Variants in SP3 observed in about 807,000 individuals in gnomAD.
SP3 encodes the protein transcription factor Sp3.
A neutral mutation model predicts 70.3 loss-of-function variants in SP3; 10 were observed. That is an observed-to-expected ratio of 0.14 (90% CI 0.09 to 0.24). SP3 has a LOEUF of 0.24. Ranked by LOEUF, SP3 falls within the 10% of genes least tolerant of loss-of-function variation. The pLI, the probability that SP3 is intolerant of heterozygous loss-of-function variation, is 1.00. For synonymous variants in SP3, 402 were observed against 333.5 expected, an observed-to-expected ratio of 1.21 and a Z score of -2.24; for missense variants, 825 against 914.6, an observed-to-expected ratio of 0.90 and a Z score of 1.26.
chr2:173,918,215 T>C (rs890280541), intron 5 of SP3, among the ~76,000 whole-genome samples: 7 of 152,254 alleles, frequency 4.6e-5, no homozygotes, highest in African/African-American at 4.8e-5. Context: ...GAAATACTTA[T>C]GCTTATCAGC....
intron 4 of SP3, among the ~76,000 whole-genome samples, chr2:173,933,652 A>ATATAT (rs1690132121): frequency 1.4e-5 from 2 of 140,824 alleles, no homozygotes; most frequent in African/African-American, 5.2e-5. Flanking sequence ...ATATATATAT[A>ATATAT]TATATATATA....
At position 173,908,840 on chromosome 2, in the gene SP3, C is replaced by T. The variant is rs1439252263; in HGVS notation, c.*1101G>A. On this transcript the variant is annotated 3_prime_UTR_variant, in exon 7 of 7. Transcript: ENST00000310015. ...GCTTCTCAATTAAATGTACTGGATA[C>T]ATATAAATTTTAAGGGAAGAAGCAA... 1 of 145,936 alleles carries T rather than the reference C, an allele frequency of 6.9e-6. No homozygotes were observed. The highest frequency in any genetic ancestry group is 2.5e-5 in the African/African-American group (1 of 39,284). 9.0% of individuals were successfully genotyped at this position (145,936 alleles called of 1,614,324 possible). A position where few individuals can be genotyped will look rare whatever the true frequency, so the allele number is the denominator to read the frequency against.
intron 4 of SP3, among the ~76,000 whole-genome samples, chr2:173,943,825 T>G (rs907775271): frequency 6.6e-6 from 1 of 152,196 alleles, no homozygotes; most frequent in African/African-American, 2.4e-5. Context: ...AAATACATCA[T>G]TAGGCGATTT....
At chr2:173,939,950 G>A (rs920207300) in intron 4 of SP3, among the ~76,000 whole-genome samples, 1 of 152,070 alleles carries the variant, frequency 6.6e-6, no homozygotes, top group East Asian at 1.9e-4. Context: ...ATAACTCACT[G>A]TAGGCTTGAC....
At chr2:173,914,375 C>T (rs1689573235) in intron 5 of SP3, 1 of 152,028 alleles carries the variant, frequency 6.6e-6, no homozygotes, top group African/African-American at 2.4e-5. Flanking sequence ...CCTGTAAATC[C>T]TCCTGTATAC....
At chr2:173,930,803 T>C (rs1690045959) in intron 4 of SP3, among the ~76,000 whole-genome samples, 1 of 152,224 alleles carries the variant, frequency 6.6e-6, no homozygotes, top group Non-Finnish European at 1.5e-5. Context: ...ACTTAAGTGA[T>C]GATAGGCTGT....
At chr2:173,958,193 T>C (rs980420230) in intron 3 of SP3, among the ~76,000 whole-genome samples, 1 of 151,878 alleles carries the variant, frequency 6.6e-6, no homozygotes, top group African/African-American at 2.4e-5. Flanking sequence ...CAGACACAAA[T>C]TAATTTTATG....
chr2:173,950,419 C>G (rs1172682715), intron 4 of SP3, among the ~76,000 whole-genome samples: 1 of 152,036 alleles, frequency 6.6e-6, no homozygotes, highest in Admixed American at 6.5e-5. Context: ...TGGCCCATGC[C>G]TATAATTCCA....
In SP3 at chr2:173,955,745, A is replaced by G. The variant is rs1274334094; in HGVS notation, c.767T>C (p.Val256Ala). The G allele has an allele frequency of 6.2e-7, 1 of 1,614,240 alleles. No homozygotes were observed. The highest frequency in any genetic ancestry group is 1.1e-5 in the South Asian group (1 of 91,088). Residue 256 changes from valine (V) to alanine (A), a missense_variant, in exon 4 of 7, where the codon GTG (valine) becomes GCG (alanine). Coordinates refer to ENST00000310015, the MANE Select transcript of SP3 (RefSeq NM_003111.5). ...FPGQTQVVAN[V>A]PLGLPGNITF... ...AATATTTCCTGGCAGACCAAGAGGC[A>G]CATTAGCAACTACTTGGGTTTGACC... is the stretch of plus-strand genomic sequence containing the variant.
At chr2:173,952,751 G>A (rs1233190246) in intron 4 of SP3, among the ~76,000 whole-genome samples, 1 of 152,176 alleles carries the variant, frequency 6.6e-6, no homozygotes, top group Non-Finnish European at 1.5e-5. Context: ...CACATACCAT[G>A]ACACAGATGA....
intron 4 of SP3, among the ~76,000 whole-genome samples, chr2:173,937,318 TTA>T (rs2105478511): frequency 6.6e-6 from 1 of 152,202 alleles, no homozygotes; most frequent in Admixed American, 6.5e-5. Context: ...GTGTGACTGG[TTA>T]TCCCCTGAAA....
rs915393913 is a variant in SP3, at chr2:173,908,165, T to C, written c.*1776A>G. The C allele has an allele frequency of 6.6e-6, 1 of 152,150 alleles. No homozygotes were observed. The highest frequency in any genetic ancestry group is 2.4e-5 in the African/African-American group (1 of 41,464). The allele number at this position is 152,150 out of a possible 1,614,324, so 9.4% of individuals were successfully genotyped here. A position where few individuals can be genotyped will look rare whatever the true frequency, so the allele number is the denominator to read the frequency against. On this transcript the variant is annotated 3_prime_UTR_variant, in exon 7 of 7. Transcript: ENST00000310015. Reference sequence around the variant, plus strand: ...GCCATGGTTACCAACGCTTGTCTTATCATTTTCAGGAGTCTTAATGTAAAT... The same window carrying C: ...GCCATGGTTACCAACGCTTGTCTTACCATTTTCAGGAGTCTTAATGTAAAT...
chr2:173,960,709 G>A (rs1253752875), intron 3 of SP3, among the ~76,000 whole-genome samples: 1 of 152,094 alleles, frequency 6.6e-6, no homozygotes, highest in South Asian at 2.1e-4. Flanking sequence ...AGTGGCTTAC[G>A]CCTGTAATCC....
intron 6 of SP3, 102 bp downstream of exon 6, chr2:173,912,964 ATTTT>A: frequency 2.7e-6 from 2 of 735,920 alleles, no homozygotes; most frequent in Non-Finnish European, 3.8e-6. Context: ...AATTCATTGT[ATTTT>A]AAATCGATTC....
intron 4 of SP3, among the ~76,000 whole-genome samples, chr2:173,923,796 GTTTAT>G (rs1264438433): frequency 2.6e-5 from 4 of 151,462 alleles, no homozygotes; most frequent in Non-Finnish European, 1.5e-5. Flanking sequence ...GATTCTAAAA[GTTTAT>G]TTTATTTACA....
chr2:173,914,963 C>A (rs1224415047), intron 5 of SP3: 2 of 152,136 alleles, frequency 1.3e-5, no homozygotes, highest in Non-Finnish European at 2.9e-5. Context: ...TCACAGAGAA[C>A]CCAATTCAGT....
At position 173,910,017 on chromosome 2, in the gene SP3, C is replaced by G. The variant is rs765278428; in HGVS notation, c.2270G>C (p.Ser757Thr). 6.2e-7 allele frequency: 1 copy of G among 1,613,696 alleles called. No individual in the cohort carries two copies. The highest frequency in any genetic ancestry group is 1.3e-5 in the African/African-American group (1 of 74,898). The change falls in exon 7 of 7, where the codon AGC becomes ACC. Residue 757 changes from serine to threonine, a missense_variant. By Grantham distance (58) the Ser-to-Thr change is moderately conservative (BLOSUM62 1). Around this residue, in one of 4 missense-constraint regions of SP3, gnomAD observed 91 missense variants for 97.4 expected, o/e 0.93. Transcript: ENST00000310015. ...GIGTVNTSAT[S>T]NQDILTNTEI... ...AGTGTTGGTAAGGATATCTTGATTG[C>G]TGGTGGCGGAAGTATTAACAGTTCC...
chr2:173,915,270 G>A (rs140782873), intron 5 of SP3: 1 of 152,090 alleles, frequency 6.6e-6, no homozygotes, highest in African/African-American at 2.4e-5. Flanking sequence ...ACATATTTAA[G>A]GAAAAAGCTC....
In SP3 at chr2:173,963,942, C is replaced by T. The variant is rs1042034448; in HGVS notation, c.157-59G>A. ...AGGGGGAGGGGGTGGCGGTTAGGGT[C>T]GGGCCGCCTTTCGCACAGGAAGTAC... On this transcript the variant is annotated intron_variant, in intron 2 of 6. Coordinates refer to ENST00000310015, the MANE Select transcript of SP3 (RefSeq NM_003111.5). The T allele has an allele frequency of 3.2e-6, 4 of 1,251,920 alleles. No homozygotes were observed. In the African/African-American group the frequency reaches 4.8e-5, roughly 15 times the overall value. The allele number at this position is 1,251,920 out of a possible 1,614,324, so 77.6% of individuals were successfully genotyped here. A position where few individuals can be genotyped will look rare whatever the true frequency, so the allele number is the denominator to read the frequency against.
Sources: gnomAD v4.1 joint callset for allele counts (sites outside exome capture counted in the v4.1 genomes callset) on GRCh38, gnomAD v4.1.1 for gene constraint, gnomAD v4.1.1 regional missense constraint, MANE v1.5 for transcripts, NCBI Gene and HGNC (gene_info 2026-07-23, HGNC 2026-07-21) for gene names.